Variants in TAOK1 observed in about 807,000 individuals in gnomAD.
The protein encoded by TAOK1 is serine/threonine-protein kinase TAO1.
TAOK1 carries 21 observed loss-of-function variants against 138.3 expected under a neutral mutation model. The ratio of observed to expected loss-of-function variants is 0.15; its 90% confidence interval spans 0.11 to 0.22. The LOEUF is 0.22. TAOK1 is among the 10% of genes least tolerant of loss of function. TAOK1 has a pLI of 1.00. For synonymous variants in TAOK1, 361 were observed against 398.4 expected (o/e 0.91, Z 1.12); for missense variants, 651 against 1,227.7 (o/e 0.53, Z 7.02).
At chr17:29,495,901 G>T (rs1598507016) in intron 11 of TAOK1, among the ~76,000 whole-genome samples, 174 bp downstream of exon 11, 1 of 151,836 alleles carries the variant, frequency 6.6e-6, no homozygotes, top group East Asian at 1.9e-4. Flanking sequence ...TTTTCTTGGA[G>T]AAATAAGAAA....
intron 12 of TAOK1, among the ~76,000 whole-genome samples, chr17:29,501,633 T>A (rs1783918973): frequency 6.6e-6 from 1 of 151,644 alleles, no homozygotes; most frequent in Admixed American, 6.6e-5. Context: ...AGCAATTAAT[T>A]TTCTGCTACT....
intron 1 of TAOK1, among the ~76,000 whole-genome samples, chr17:29,414,993 T>C (rs1350120471): frequency 6.6e-6 from 1 of 151,924 alleles, no homozygotes; most frequent in South Asian, 2.1e-4. Context: ...GAACGGAATT[T>C]CGCTCTGTTG....
intron 1 of TAOK1, among the ~76,000 whole-genome samples, chr17:29,413,881 CTTT>C (rs34539579): frequency 3.0e-5 from 3 of 101,250 alleles, no homozygotes; most frequent in African/African-American, 3.8e-5. Context: ...TTTCTGGCTT[CTTT>C]TTTTTTTTTT....
intron 2 of TAOK1, among the ~76,000 whole-genome samples, chr17:29,453,285 G>A (rs982333493): frequency 8.0e-5 from 12 of 149,806 alleles, no homozygotes; most frequent in African/African-American, 2.2e-4. Context: ...TCAGCCTCCC[G>A]AGTAGCTGGG....
At chr17:29,396,768 A>C (rs1400741383) in intron 1 of TAOK1, among the ~76,000 whole-genome samples, 1 of 147,098 alleles carries the variant, frequency 6.8e-6, no homozygotes, top group African/African-American at 2.5e-5. Context: ...GAGACCGTAG[A>C]TCACTTTAGG....
chr17:29,459,773 G>C (rs895906815), intron 2 of TAOK1, among the ~76,000 whole-genome samples: 4 of 152,186 alleles, frequency 2.6e-5, no homozygotes, highest in African/African-American at 7.2e-5. Context: ...CTAATAGTTG[G>C]ATTGCTGGAT....
At chr17:29,498,683 C>T (rs750448275) in intron 12 of TAOK1, among the ~76,000 whole-genome samples, 162 bp downstream of exon 12, 3 of 152,036 alleles carry the variant, frequency 2.0e-5, no homozygotes, top group Non-Finnish European at 2.9e-5. Context: ...TTTGGGAGGC[C>T]GAGGCGGGTG....
At chr17:29,434,342 C>T (rs1424912130) in intron 1 of TAOK1, among the ~76,000 whole-genome samples, 1 of 152,096 alleles carries the variant, frequency 6.6e-6, no homozygotes, top group Non-Finnish European at 1.5e-5. Flanking sequence ...GGGAAAAAGC[C>T]TCCTTTTAAA....
Position 29,508,069 on chromosome 17 carries a change from T to C in TAOK1, c.1512T>C (p.Arg504=). The C allele has an allele frequency of 6.2e-7, 1 of 1,614,100 alleles. No individual in the cohort carries two copies. The highest frequency in any genetic ancestry group is 8.5e-7 in the Non-Finnish European group (1 of 1,179,984). Reference sequence around the variant, plus strand: ...TAGACAAAGATCTTGAAACTCAGCGTAACAATTTTGCTGCAGAAATGGAGA... The same window carrying C: ...TAGACAAAGATCTTGAAACTCAGCGCAACAATTTTGCTGCAGAAATGGAGA... ...LRLDKDLETQ[R]NNFAAEMEKL... Residue 504 remains arginine (R), a synonymous_variant, in exon 14 of 20, where the codon CGT becomes CGC. Coordinates refer to ENST00000261716, the MANE Select transcript of TAOK1 (RefSeq NM_020791.4).
At chr17:29,433,306 CTG>C (rs1164448709) in intron 1 of TAOK1, among the ~76,000 whole-genome samples, 1 of 151,598 alleles carries the variant, frequency 6.6e-6, no homozygotes, top group Non-Finnish European at 1.5e-5. Flanking sequence ...TGGCGGGCAT[CTG>C]TAATCCCAGC....
chr17:29,481,586 A>T (rs914947109), intron 7 of TAOK1, among the ~76,000 whole-genome samples: 39 of 152,272 alleles, frequency 2.6e-4, no homozygotes, highest in African/African-American at 8.4e-4. Flanking sequence ...ACTTGAGCAG[A>T]TGCAAAATAT....
intron 3 of TAOK1, among the ~76,000 whole-genome samples, chr17:29,470,408 C>T (rs2030786695): frequency 6.6e-6 from 1 of 151,988 alleles, no homozygotes; most frequent in Non-Finnish European, 1.5e-5. Flanking sequence ...TTAGAGTCTG[C>T]ATTTAGGAAC....
intron 2 of TAOK1, among the ~76,000 whole-genome samples, chr17:29,464,443 CAA>C (rs375412745): frequency 3.1e-4 from 19 of 60,562 alleles, no homozygotes; most frequent in Admixed American, 1.2e-3. Flanking sequence ...GACTCCATCT[CAA>C]AAAAAAAAAA....
chr17:29,500,636 G>A (rs1256602694), intron 12 of TAOK1, among the ~76,000 whole-genome samples: 1 of 151,656 alleles, frequency 6.6e-6, no homozygotes, highest in Admixed American at 6.6e-5. Context: ...AGCTACTCAG[G>A]AGTCTGAGAC....
chr17:29,547,647 G>A lies in TAOK1; in HGVS notation c.*4625G>A, dbSNP rs534789725. 1 of 152,212 alleles carries A rather than the reference G, an allele frequency of 6.6e-6. No homozygotes were observed. Among genetic ancestry groups the A allele is most frequent in the South Asian group, 2.1e-4 (1 of 4,826 alleles). The allele number at this position is 152,212 out of a possible 1,614,324, so 9.4% of individuals were successfully genotyped here. A position where few individuals can be genotyped will look rare whatever the true frequency, so the allele number is the denominator to read the frequency against. ...AGATAGAAAAGAGCCTTCTCCAAGA[G>A]CAATGTCAAAACTTGGGCTGTCATC... On this transcript the variant is annotated 3_prime_UTR_variant, in exon 20 of 20. Coordinates refer to ENST00000261716, the MANE Select transcript of TAOK1 (RefSeq NM_020791.4).
intron 1 of TAOK1, among the ~76,000 whole-genome samples, chr17:29,399,833 G>C (rs952718014): frequency 6.6e-6 from 1 of 151,846 alleles, no homozygotes; most frequent in Non-Finnish European, 1.5e-5. Flanking sequence ...TGGACTTAGC[G>C]ATCCTCTCAC....
At position 29,476,470 on chromosome 17, in the gene TAOK1, A is replaced by G. The variant is rs148945621; in HGVS notation, c.306+699A>G. ...CCTCTCTGCCTCTCAGGGTTCTCCA[A>G]CCATAAAACAAGGATACTAATAGGA... On this transcript the variant is annotated intron_variant, in intron 4 of 19. Coordinates refer to ENST00000261716, the MANE Select transcript of TAOK1 (RefSeq NM_020791.4). 2.6e-5 allele frequency among the ~76,000 whole-genome samples: 4 copies of G among 152,340 alleles called. No individual in the cohort carries two copies. The East Asian group carries it at 7.7e-4, about 29-fold the overall frequency.
At chr17:29,471,276 CTTTTTTTT>C (rs759764241) in intron 3 of TAOK1, among the ~76,000 whole-genome samples, 3 of 81,846 alleles carry the variant, frequency 3.7e-5, no homozygotes, top group Non-Finnish European at 6.6e-5. Flanking sequence ...TATTTTCTTT[CTTTTTTTT>C]TTTTTTTTTT....
At chr17:29,499,229 CTTTTTTTT>C (rs57906502) in intron 12 of TAOK1, among the ~76,000 whole-genome samples, 4 of 123,184 alleles carry the variant, frequency 3.2e-5, no homozygotes, top group African/African-American at 1.3e-4. Context: ...ATGTTTATAT[CTTTTTTTT>C]TTTTTTTTTT....
Sources: allele counts gnomAD v4.1 joint callset (sites outside exome capture counted in the v4.1 genomes callset), GRCh38; gene constraint gnomAD v4.1.1; transcripts MANE v1.5; gene names NCBI Gene and HGNC (gene_info 2026-07-23, HGNC 2026-07-21).